Variants in HNRNPUL1 observed in about 807,000 individuals in gnomAD.
HNRNPUL1 encodes heterogeneous nuclear ribonucleoprotein U-like protein 1.
A neutral mutation model predicts 108.5 loss-of-function variants in HNRNPUL1; 14 were observed. That is an observed-to-expected ratio of 0.13 (90% confidence interval 0.09 to 0.20). The LOEUF (loss-of-function observed/expected upper bound fraction) is 0.20, where lower values mean the gene tolerates loss of function less well. Ranked by LOEUF, HNRNPUL1 falls within the 10% of genes least tolerant of loss-of-function variation. The pLI is 1.00. For synonymous variants in HNRNPUL1, 422 were observed against 445.2 expected (o/e 0.95, Z 0.66); for missense variants, 804 against 1,168.3 (o/e 0.69, Z 4.55).
chr19:41,276,166 C>T lies in HNRNPUL1; in HGVS notation c.654C>T (p.Cys218=), dbSNP rs140064732. The T allele has an allele frequency of 3.7e-5, 59 of 1,613,868 alleles. 1 individual carries two copies. Among genetic ancestry groups the T allele is most frequent in the African/African-American group, 9.3e-5 (7 of 74,960 alleles). ...DTLVAIDTYN[C]DLHFKVARDR... The stretch of plus-strand genomic sequence containing the variant: ...GGGCATTTTCCTTCACAGATAACTG[C>T]GACCTCCACTTCAAGGTGGCCCGAG... The change falls in exon 5 of 15, where the codon TGC becomes TGT. Residue 218 remains cysteine, a synonymous_variant. Coordinates refer to ENST00000392006, the MANE Select transcript of HNRNPUL1 (RefSeq NM_007040.6).
At chr19:41,300,214 G>A (rs545678668) in intron 10 of HNRNPUL1, among the ~76,000 whole-genome samples, 98 of 152,066 alleles carry the variant, frequency 6.4e-4, no homozygotes, top group African/African-American at 2.3e-3. Context: ...TTTCAACCCC[G>A]TATTACAGAT....
At chr19:41,300,452 T>G (rs530317049) in intron 10 of HNRNPUL1, among the ~76,000 whole-genome samples, 1 of 152,340 alleles carries the variant, frequency 6.6e-6, no homozygotes, top group South Asian at 2.1e-4. Flanking sequence ...CTTACTCCGT[T>G]TCTGCTGAGT....
intron 7 of HNRNPUL1, among the ~76,000 whole-genome samples, chr19:41,290,216 G>A (rs560418738): frequency 1.3e-5 from 2 of 152,270 alleles, no homozygotes; most frequent in South Asian, 2.1e-4. Context: ...AAAGCGAACC[G>A]TGTATTTTGC....
At position 41,292,587 on chromosome 19, in the gene HNRNPUL1, G is replaced by T; in HGVS notation, c.1266+76G>T. The T allele has an allele frequency of 1.4e-6, 2 of 1,387,226 alleles. No homozygotes were observed. The highest frequency in any genetic ancestry group is 1.3e-5 in the South Asian group (1 of 78,648). 85.9% of individuals were successfully genotyped at this position (1,387,226 alleles called of 1,614,324 possible). Reference sequence around the variant, plus strand: ...AGACACACACACACACACACACACAGACTTGCTGCGAGAGTAGCCTTGGGG... The same window carrying T: ...AGACACACACACACACACACACACATACTTGCTGCGAGAGTAGCCTTGGGG... On this transcript the variant is annotated intron_variant, in intron 8 of 14. Transcript: ENST00000392006. The surrounding 1 kb of genome is among the most constrained non-coding windows in gnomAD (Gnocchi z 4.1).
intron 14 of HNRNPUL1, 115 bp downstream of exon 14, chr19:41,305,982 G>A (rs541705908): frequency 1.1e-4 from 79 of 721,384 alleles, no homozygotes; most frequent in Admixed American, 7.9e-4. Flanking sequence ...TGCTGGCCTC[G>A]GCCTGGCGTT....
chr19:41,304,092 C>A lies in HNRNPUL1; in HGVS notation c.2093C>A (p.Pro698Gln). 7 of 1,613,248 alleles carry A rather than the reference C, an allele frequency of 4.3e-6. No individual in the cohort carries two copies. The highest frequency in any genetic ancestry group is 5.9e-6 in the Non-Finnish European group (7 of 1,179,262). ...CGGGCTCCCCAGCAACAGCCGCCAC[C>A]ACAGCAGCCTCCGCCACCACAGCCA... ...YNRAPQQQPP[P>Q]QQPPPPQPPP... The change falls in exon 13 of 15, where the codon CCA becomes CAA. Residue 698 changes from proline to glutamine, a missense_variant. By Grantham distance (76) the Pro-to-Gln change is moderately conservative. Around this residue, in one of 4 missense-constraint regions of HNRNPUL1, gnomAD observed 294 missense variants for 388.3 expected, o/e 0.76. Coordinates refer to ENST00000392006, the MANE Select transcript of HNRNPUL1 (RefSeq NM_007040.6).
At position 41,270,710 on chromosome 19, in the gene HNRNPUL1, C is replaced by T. The variant is rs150159470; in HGVS notation, c.419-1372C>T. On this transcript the variant is annotated intron_variant, in intron 2 of 14. Transcript: ENST00000392006. Reference sequence around the variant, plus strand: ...TCCCAGGTTCAAGTGATTCTCCTGCCTCAGCCTCCTAAGTAGTTGGGACTA... The same window carrying T: ...TCCCAGGTTCAAGTGATTCTCCTGCTTCAGCCTCCTAAGTAGTTGGGACTA... 3.7e-3 allele frequency among the ~76,000 whole-genome samples: 561 copies of T among 151,522 alleles called. 3 individuals carry two copies. The highest frequency in any genetic ancestry group is 0.013 in the African/African-American group (525 of 41,232).
At chr19:41,265,621 T>TA in intron 1 of HNRNPUL1, among the ~76,000 whole-genome samples, 1 of 152,170 alleles carries the variant, frequency 6.6e-6, no homozygotes, top group Admixed American at 6.5e-5. Context: ...GAGGATGCTT[T>TA]CCTGGACAAA....
intron 11 of HNRNPUL1, among the ~76,000 whole-genome samples, chr19:41,302,214 GTTTTTTTTTT>G (rs58368849): frequency 6.5e-5 from 6 of 92,430 alleles, no homozygotes; most frequent in African/African-American, 1.4e-4. Flanking sequence ...CTCTCTCTCT[GTTTTTTTTTT>G]TTTTTTTTTT....
At chr19:41,272,343 C>T in intron 3 of HNRNPUL1, 108 bp downstream of exon 3, 1 of 1,128,222 alleles carries the variant, frequency 8.9e-7, no homozygotes, top group Non-Finnish European at 1.3e-6. Flanking sequence ...AGTAAAGATT[C>T]CCTCTGCTTT....
intron 1 of HNRNPUL1, chr19:41,265,267 C>T (rs1568424751): frequency 7.7e-7 from 1 of 1,302,494 alleles, no homozygotes; most frequent in Non-Finnish European, 1.0e-6. Context: ...TCCAGGTGTG[C>T]GGGGCTGCGA....
At chr19:41,265,314 G>A in intron 1 of HNRNPUL1, 1 of 1,514,280 alleles carries the variant, frequency 6.6e-7, no homozygotes, top group Admixed American at 2.0e-5. Flanking sequence ...ATATGCCGCT[G>A]GATGCGATCC....
intron 7 of HNRNPUL1, among the ~76,000 whole-genome samples, chr19:41,284,318 C>T (rs2036080918): frequency 6.6e-6 from 1 of 152,206 alleles, no homozygotes; most frequent in African/African-American, 2.4e-5. Context: ...ATTCCCGAAG[C>T]CATCACTACT....
intron 11 of HNRNPUL1, 104 bp from the exon 12 acceptor site, chr19:41,302,561 C>G: frequency 7.1e-7 from 1 of 1,409,930 alleles, no homozygotes; most frequent in Non-Finnish European, 1.0e-6. Flanking sequence ...GTTTTCTTCA[C>G]CTTCTCCCTT....
At chr19:41,265,427 C>T in intron 1 of HNRNPUL1, 4 of 1,432,680 alleles carry the variant, frequency 2.8e-6, no homozygotes, top group South Asian at 2.8e-5. Flanking sequence ...TGGAGTTTGG[C>T]TAGTGAGCAT....
chr19:41,268,384 C>T (rs949744030), intron 2 of HNRNPUL1, 39 bp downstream of exon 2: 3 of 1,604,266 alleles, frequency 1.9e-6, no homozygotes, highest in Non-Finnish European at 2.6e-6. Context: ...TGGATGGAAA[C>T]AATCTACATG....
upstream of HNRNPUL1, chr19:41,264,298 C>T (rs912135569): frequency 2.3e-6 from 1 of 427,792 alleles, no homozygotes; most frequent in Admixed American, 4.4e-5. Flanking sequence ...GCCCGTTGCC[C>T]CACGCACTGA....
rs2035544734 is a variant in HNRNPUL1 at position 41,276,196 on chromosome 19, G to A, written c.684G>A (p.Arg228=). The A allele has an allele frequency of 1.9e-6, 3 of 1,614,028 alleles. No individual in the cohort carries two copies. Among genetic ancestry groups the A allele is most frequent in the Non-Finnish European group, 2.5e-6 (3 of 1,180,012 alleles). ...CDLHFKVARD[R]SSGYPLTIEG... is the part of the protein sequence containing the mutation. Reference sequence around the variant, plus strand: ...TCCACTTCAAGGTGGCCCGAGATCGGAGTAGTGGCTATCCGCTCACAATTG... The same window carrying A: ...TCCACTTCAAGGTGGCCCGAGATCGAAGTAGTGGCTATCCGCTCACAATTG... Residue 228 remains arginine, a synonymous_variant, in exon 5 of 15, where the codon CGG becomes CGA. Coordinates refer to ENST00000392006, the MANE Select transcript of HNRNPUL1 (RefSeq NM_007040.6).
chr19:41,301,449 C>T, intron 10 of HNRNPUL1, 87 bp from the exon 11 acceptor site: 2 of 1,093,542 alleles, frequency 1.8e-6, no homozygotes, highest in Non-Finnish European at 2.6e-6. Flanking sequence ...ATCCTTTTCT[C>T]AGTCCCTGGC....
Sources: allele counts gnomAD v4.1 joint callset (sites outside exome capture counted in the v4.1 genomes callset), GRCh38; gene constraint gnomAD v4.1.1; regional missense constraint gnomAD v4.1.1; non-coding constraint Gnocchi (gnomAD v3.1); transcripts MANE v1.5; gene names NCBI Gene and HGNC (gene_info 2026-07-23, HGNC 2026-07-21).